JPH3: variants seen among roughly 807,000 people sequenced by gnomAD.
JPH3 encodes junctophilin-3.
In JPH3, 11 loss-of-function variants were observed where a neutral mutation model predicts 59.6. The observed-to-expected ratio is 0.18, with a 90% CI of 0.12 to 0.31. The LOEUF is 0.31. Among genes scored for constraint, JPH3 ranks in the 10% least tolerant of loss-of-function variants. The pLI, the probability that JPH3 is intolerant of heterozygous loss-of-function variation, is 1.00. For missense variants in JPH3, 1,202 were observed against 1,105.7 expected, an observed-to-expected ratio of 1.09 and a Z score of -1.24; for synonymous variants, 673 against 483.6, an observed-to-expected ratio of 1.39 and a Z score of -5.14.
intron 2 of JPH3, among the ~76,000 whole-genome samples, chr16:87,657,960 G>A (rs1435891791): frequency 1.3e-5 from 2 of 152,302 alleles, no homozygotes; most frequent in East Asian, 1.9e-4. Flanking sequence ...CTACCAACCT[G>A]GCCTCACAGT....
At chr16:87,693,024 C>G (rs1217351012) in intron 4 of JPH3, among the ~76,000 whole-genome samples, 1 of 152,242 alleles carries the variant, frequency 6.6e-6, no homozygotes, top group African/African-American at 2.4e-5. Context: ...CTTGGCTGTT[C>G]TCTGCCCCCT....
At chr16:87,674,652 C>G (rs1309776372) in intron 2 of JPH3, among the ~76,000 whole-genome samples, 1 of 152,206 alleles carries the variant, frequency 6.6e-6, no homozygotes, top group Non-Finnish European at 1.5e-5. Context: ...GAGTCATTTT[C>G]TGTGGGAAGC....
At chr16:87,616,409 A>ATTT (rs55924986) in intron 1 of JPH3, among the ~76,000 whole-genome samples, 3 of 132,742 alleles carry the variant, frequency 2.3e-5, no homozygotes, top group South Asian at 2.4e-4. Context: ...AAGTTTTTGT[A>ATTT]TTTTTTTTTT....
rs751250787 is a variant in JPH3, at chr16:87,645,053, CG to C, written c.1160+24del. ...GCTTCCAGGTAGGAGGGCGAGGGGG[CG>C]GGGGGCCCTTCTTGGTGCCCAGAAG... On this transcript the variant is annotated intron_variant, in intron 2 of 4. Coordinates refer to ENST00000284262, the MANE Select transcript of JPH3 (RefSeq NM_020655.4). The C allele has an allele frequency of 1.1e-5, 17 of 1,587,480 alleles. No homozygotes were observed. Among genetic ancestry groups the C allele is most frequent in the East Asian group, 2.2e-5 (1 of 44,750 alleles).
intron 1 of JPH3, among the ~76,000 whole-genome samples, chr16:87,641,056 G>A (rs980749776): frequency 1.3e-5 from 2 of 152,196 alleles, no homozygotes; most frequent in African/African-American, 4.8e-5. Context: ...AGTGTGGTTC[G>A]CATTGGGGTG....
At position 87,602,552 on chromosome 16, in the gene JPH3, C is replaced by G. The variant is rs1165275368; in HGVS notation, c.-595C>G. ...GGAGCGCACGCCGCCGCCGCCACCG[C>G]CGCCGCCGCCGCCCGAGCCGCCGCA... On this transcript the variant is annotated 5_prime_UTR_variant, in exon 1 of 5. Transcript: ENST00000284262. Among the ~76,000 whole-genome samples the G allele has an allele frequency of 1.5e-5, 2 of 137,014 alleles. No homozygotes were observed. The highest frequency in any genetic ancestry group is 3.1e-5 in the Non-Finnish European group (2 of 63,774). The allele number at this position is 137,014 out of a possible 152,430, so 89.9% of individuals were successfully genotyped here.
chr16:87,661,693 G>A (rs926006793), intron 2 of JPH3, among the ~76,000 whole-genome samples: 1 of 152,234 alleles, frequency 6.6e-6, no homozygotes, highest in African/African-American at 2.4e-5. Flanking sequence ...CAAGAGCAAA[G>A]ACCCGTCCAA....
At chr16:87,679,233 G>C (rs2033225324) in intron 2 of JPH3, among the ~76,000 whole-genome samples, 2 of 152,154 alleles carry the variant, frequency 1.3e-5, no homozygotes, top group African/African-American at 4.8e-5. Context: ...TTATTGCTTA[G>C]GGTTTCTCTC....
At position 87,611,408 on chromosome 16, in the gene JPH3, C is replaced by T. The variant is rs1282699201; in HGVS notation, c.382+7880C>T. Among the ~76,000 whole-genome samples, 1 of 152,050 alleles carries T rather than the reference C, an allele frequency of 6.6e-6. No individual in the cohort carries two copies. The highest frequency in any genetic ancestry group is 1.5e-5 in the Non-Finnish European group (1 of 68,008). On this transcript the variant is annotated intron_variant, in intron 1 of 4. Coordinates refer to ENST00000284262, the MANE Select transcript of JPH3 (RefSeq NM_020655.4). The surrounding 1 kb of genome is among the most constrained non-coding windows in gnomAD (Gnocchi z 4.5). ...AGTTGTTATCCCAAGCCTGAGGCTGCAGATTTGTTCGAGGCCATGTCTCCC... is the reference window on the plus strand; with the variant it reads ...AGTTGTTATCCCAAGCCTGAGGCTGTAGATTTGTTCGAGGCCATGTCTCCC...
At chr16:87,637,337 C>T (rs2031784436) in intron 1 of JPH3, among the ~76,000 whole-genome samples, 1 of 152,050 alleles carries the variant, frequency 6.6e-6, no homozygotes, top group African/African-American at 2.4e-5. Flanking sequence ...GCCATTCCTG[C>T]TCCTCCCCGG....
intron 1 of JPH3, among the ~76,000 whole-genome samples, chr16:87,625,752 G>A (rs1007711196): frequency 1.1e-4 from 17 of 152,218 alleles, no homozygotes; most frequent in South Asian, 6.2e-4. Flanking sequence ...AAGTGACCCA[G>A]GGCTAGCAAA....
At chr16:87,660,914 T>A (rs1187544936) in intron 2 of JPH3, among the ~76,000 whole-genome samples, 2 of 152,176 alleles carry the variant, frequency 1.3e-5, no homozygotes, top group African/African-American at 2.4e-5. Context: ...ATCTGTCCAG[T>A]GGAATGACAA....
intron 1 of JPH3, among the ~76,000 whole-genome samples, chr16:87,607,485 A>T (rs371663530): frequency 6.6e-6 from 1 of 152,106 alleles, no homozygotes; most frequent in East Asian, 1.9e-4. Context: ...ACCCGGAGAC[A>T]TTTTCCACCC....
At chr16:87,656,799 T>C (rs1017405175) in intron 2 of JPH3, among the ~76,000 whole-genome samples, 31 of 152,150 alleles carry the variant, frequency 2.0e-4, no homozygotes, top group African/African-American at 6.5e-4. Context: ...CAAAATACGA[T>C]AGAGTGGGTG....
chr16:87,681,447 C>T (rs1192093609), intron 2 of JPH3, among the ~76,000 whole-genome samples: 3 of 129,870 alleles, frequency 2.3e-5, no homozygotes, highest in East Asian at 2.4e-4. Flanking sequence ...GTGACAGTGC[C>T]GGGAGGTCAG....
In JPH3 at chr16:87,644,282, G is replaced by T. The variant is rs758385568; in HGVS notation, c.407G>T (p.Gly136Val). 2 of 1,610,894 alleles carry T rather than the reference G, an allele frequency of 1.2e-6. No individual in the cohort carries two copies. Among genetic ancestry groups the T allele is most frequent in the South Asian group, 1.1e-5 (1 of 90,670 alleles). ...DGGTYQGQWV[G>V]GMRQGYGVRQ... is the part of the protein sequence containing the mutation. ...GGGACCTACCAGGGCCAGTGGGTCG[G>T]TGGCATGCGCCAGGGCTACGGCGTC... Residue 136 changes from glycine to valine, a missense_variant, in exon 2 of 5, where the codon GGT (glycine) becomes GTT (valine). Gly to Val is a moderately radical substitution (Grantham distance 109). Coordinates refer to ENST00000284262, the MANE Select transcript of JPH3 (RefSeq NM_020655.4).
chr16:87,688,065 A>T (rs2033461413), intron 3 of JPH3, among the ~76,000 whole-genome samples: 1 of 151,956 alleles, frequency 6.6e-6, no homozygotes, highest in African/African-American at 2.4e-5. Flanking sequence ...GGGTACGTGG[A>T]TGTCAGCACA....
At chr16:87,608,961 C>T (rs778194651) in intron 1 of JPH3, among the ~76,000 whole-genome samples, 1 of 152,220 alleles carries the variant, frequency 6.6e-6, no homozygotes, top group Non-Finnish European at 1.5e-5. Context: ...CGCTTGAGCC[C>T]CGGAGGTCAA....
intron 1 of JPH3, among the ~76,000 whole-genome samples, chr16:87,618,766 G>A (rs890921455): frequency 1.5e-4 from 23 of 152,166 alleles, no homozygotes; most frequent in Non-Finnish European, 1.2e-4. Context: ...TTGGAGCAAT[G>A]CCTGTTCAGA....
Sources: allele counts gnomAD v4.1 joint callset (sites outside exome capture counted in the v4.1 genomes callset), GRCh38; gene constraint gnomAD v4.1.1; non-coding constraint Gnocchi (gnomAD v3.1); transcripts MANE v1.5; gene names NCBI Gene and HGNC (gene_info 2026-07-23, HGNC 2026-07-21).